PTPN2: variants seen among roughly 807,000 people sequenced by gnomAD.
PTPN2 encodes the protein protein tyrosine phosphatase non-receptor type 2.
PTPN2 carries 19 observed loss-of-function variants against 57.3 expected under a neutral mutation model. That is an observed-to-expected ratio of 0.33 (90% CI 0.23 to 0.49). PTPN2 has a LOEUF of 0.49. Ranked by LOEUF, PTPN2 falls within the 20% of genes least tolerant of loss-of-function variation. The probability of loss-of-function intolerance (pLI) is 0.99; values close to 1 mark genes in which losing one functional copy is unlikely to be tolerated. For missense variants in PTPN2, 358 were observed against 501.1 expected (o/e 0.71, Z 2.73); for synonymous variants, 153 against 164.9 (o/e 0.93, Z 0.55).
chr18:12,832,679 T>C (rs901823832), intron 3 of PTPN2, among the ~76,000 whole-genome samples: 9 of 152,212 alleles, frequency 5.9e-5, no homozygotes, highest in African/African-American at 1.9e-4. Flanking sequence ...AATACCTTTT[T>C]CTTTAATTAG....
At chr18:12,870,416 T>C (rs1268946042) in intron 1 of PTPN2, among the ~76,000 whole-genome samples, 1 of 65,732 alleles carries the variant, frequency 1.5e-5, no homozygotes, top group Non-Finnish European at 2.6e-5. Flanking sequence ...TATATATATG[T>C]ATATATATAC....
chr18:12,843,319 C>T (rs1021955679), intron 2 of PTPN2, among the ~76,000 whole-genome samples: 11 of 152,164 alleles, frequency 7.2e-5, no homozygotes, highest in African/African-American at 2.4e-4. Flanking sequence ...ACAAACCCTC[C>T]TTAATACCCT....
chr18:12,875,368 A>C (rs1276465177), intron 1 of PTPN2, among the ~76,000 whole-genome samples: 3 of 152,028 alleles, frequency 2.0e-5, no homozygotes, highest in Non-Finnish European at 4.4e-5. Flanking sequence ...TCTACTCAGG[A>C]AAGTGAGAGC....
At chr18:12,868,807 ATTTGT>A (rs1175956416) in intron 1 of PTPN2, among the ~76,000 whole-genome samples, 3 of 150,730 alleles carry the variant, frequency 2.0e-5, no homozygotes, top group South Asian at 4.3e-4. Context: ...CCAGCTCCTG[ATTTGT>A]TTTAACAAGT....
intron 5 of PTPN2, among the ~76,000 whole-genome samples, chr18:12,821,937 C>T (rs980710111): frequency 6.6e-6 from 1 of 152,016 alleles, no homozygotes; most frequent in African/African-American, 2.4e-5. Context: ...TGTGTAATGG[C>T]GGGGGGGTAC....
Position 12,822,472 on chromosome 18 carries a change from C to T in PTPN2, c.495+3338G>A, listed in dbSNP as rs967097897. Among the ~76,000 whole-genome samples the T allele has an allele frequency of 2.0e-5, 3 of 152,310 alleles. No homozygotes were observed. The East Asian group carries it at 5.8e-4, about 29-fold the overall frequency. Reference sequence around the variant, plus strand: ...CTTAAGCCACAGGCCACACTGAAAGCCGAGATGCAATCTCTTCTTCAGGGG... The same window carrying T: ...CTTAAGCCACAGGCCACACTGAAAGTCGAGATGCAATCTCTTCTTCAGGGG... On this transcript the variant is annotated intron_variant, in intron 5 of 8. Coordinates refer to ENST00000309660, the MANE Select transcript of PTPN2 (RefSeq NM_002828.4).
intron 7 of PTPN2, among the ~76,000 whole-genome samples, chr18:12,804,289 C>CAAAAAAAAAAAAA (rs59927276): frequency 4.6e-4 from 31 of 67,786 alleles, no homozygotes; most frequent in Admixed American, 8.0e-4. Flanking sequence ...GAAACTGTCT[C>CAAAAAAAAAAAAA]AAAAAAAAAA....
chr18:12,867,762 A>G (rs2044042114), intron 1 of PTPN2, among the ~76,000 whole-genome samples: 1 of 152,336 alleles, frequency 6.6e-6, no homozygotes, highest in East Asian at 1.9e-4. Flanking sequence ...AGTGTTCTGC[A>G]TTATCTACTC....
At chr18:12,802,256 C>A in intron 7 of PTPN2, 105 bp from the exon 8 acceptor site, 1 of 894,710 alleles carries the variant, frequency 1.1e-6, no homozygotes, top group Non-Finnish European at 1.6e-6. Flanking sequence ...TTAAGAAAAC[C>A]CAATGATGCT....
At chr18:12,800,087 T>G (rs1458281796) in intron 8 of PTPN2, among the ~76,000 whole-genome samples, 1 of 152,114 alleles carries the variant, frequency 6.6e-6, no homozygotes, top group East Asian at 1.9e-4. Flanking sequence ...CGCCACCACA[T>G]GCGAAAACAT....
intron 1 of PTPN2, among the ~76,000 whole-genome samples, chr18:12,877,884 G>A (rs1293215521): frequency 2.6e-5 from 4 of 151,956 alleles, no homozygotes; most frequent in East Asian, 3.9e-4. Context: ...GGTGGCGGGC[G>A]CCTGTAGTGT....
At chr18:12,879,389 C>T (rs2044595112) in intron 1 of PTPN2, among the ~76,000 whole-genome samples, 1 of 152,194 alleles carries the variant, frequency 6.6e-6, no homozygotes, top group Admixed American at 6.5e-5. Flanking sequence ...CAACAATCAT[C>T]CCTTCTATTT....
At chr18:12,819,161 A>G (rs1446182782) in intron 5 of PTPN2, 4 of 772,206 alleles carry the variant, frequency 5.2e-6, no homozygotes, top group Middle Eastern at 2.4e-4. Flanking sequence ...CTCAGTATAT[A>G]AGGTATAATA....
intron 7 of PTPN2, among the ~76,000 whole-genome samples, chr18:12,811,600 A>G (rs2145292903): frequency 6.6e-6 from 1 of 152,240 alleles, no homozygotes; most frequent in South Asian, 2.1e-4. Flanking sequence ...CGACAGACTC[A>G]TTCATGGCTA....
intron 2 of PTPN2, among the ~76,000 whole-genome samples, chr18:12,852,130 G>A (rs544004904): frequency 6.2e-4 from 94 of 151,056 alleles, no homozygotes; most frequent in Admixed American, 2.4e-3. Context: ...GTACAACAAT[G>A]TGCATACAGT....
At chr18:12,817,513 T>C in intron 5 of PTPN2, 148 bp from the exon 6 acceptor site, 1 of 663,366 alleles carries the variant, frequency 1.5e-6, no homozygotes, top group Non-Finnish European at 2.6e-6. Context: ...GACAATCCCA[T>C]ATACAAACTA....
At chr18:12,834,014 G>A (rs1297474619) in intron 3 of PTPN2, among the ~76,000 whole-genome samples, 1 of 152,060 alleles carries the variant, frequency 6.6e-6, no homozygotes, top group Non-Finnish European at 1.5e-5. Flanking sequence ...GACACACACA[G>A]CGACAAGAAG....
chr18:12,801,241 G>A (rs776301518), intron 8 of PTPN2, among the ~76,000 whole-genome samples: 26 of 152,286 alleles, frequency 1.7e-4, no homozygotes, highest in Admixed American at 1.2e-3. Flanking sequence ...GGCTGGGCAC[G>A]GTGGCTCACG....
chr18:12,835,476 A>G (rs961508458), intron 3 of PTPN2, among the ~76,000 whole-genome samples: 1 of 138,364 alleles, frequency 7.2e-6, no homozygotes, highest in Non-Finnish European at 1.5e-5. Context: ...CCCGGGTTCA[A>G]GCGATTCTCC....
Sources: gnomAD v4.1 joint callset for allele counts (sites outside exome capture counted in the v4.1 genomes callset) on GRCh38, gnomAD v4.1.1 for gene constraint, MANE v1.5 for transcripts, NCBI Gene and HGNC (gene_info 2026-07-23, HGNC 2026-07-21) for gene names.